CTNND2: variants seen among roughly 807,000 people sequenced by gnomAD.
CTNND2 encodes catenin delta-2.
A neutral mutation model predicts 144.4 loss-of-function variants in CTNND2; 22 were observed. The ratio of observed to expected loss-of-function variants is 0.15; its 90% confidence interval spans 0.11 to 0.22. The LOEUF (loss-of-function observed/expected upper bound fraction) is 0.22, where lower values mean the gene tolerates loss of function less well. Ranked by LOEUF, CTNND2 falls within the 10% of genes least tolerant of loss-of-function variation. The pLI, the probability that CTNND2 is intolerant of heterozygous loss-of-function variation, is 1.00. For missense variants in CTNND2, 1,353 were observed against 1,618.8 expected (o/e 0.84, Z 2.82); for synonymous variants, 751 against 695.6 (o/e 1.08, Z -1.25).
At chr5:11,031,486 T>A (rs1743470012) in intron 16 of CTNND2, among the ~76,000 whole-genome samples, 1 of 152,198 alleles carries the variant, frequency 6.6e-6, no homozygotes, top group South Asian at 2.1e-4. Context: ...AATTTTTAAG[T>A]CTTCAATAGA....
At chr5:11,682,038 G>C (rs1431843821) in intron 2 of CTNND2, among the ~76,000 whole-genome samples, 2 of 152,202 alleles carry the variant, frequency 1.3e-5, no homozygotes, top group Non-Finnish European at 2.9e-5. Flanking sequence ...GTGCCTGCTT[G>C]TTTTTCCCCA....
At chr5:11,472,512 G>C (rs1228329895) in intron 3 of CTNND2, among the ~76,000 whole-genome samples, 1 of 152,054 alleles carries the variant, frequency 6.6e-6, no homozygotes, top group Non-Finnish European at 1.5e-5. Flanking sequence ...TTAAATCTAT[G>C]AGTGTATTTG....
intron 3 of CTNND2, among the ~76,000 whole-genome samples, chr5:11,446,664 A>C: frequency 6.6e-6 from 1 of 151,482 alleles, no homozygotes; most frequent in Non-Finnish European, 1.5e-5. Flanking sequence ...TGCTGGGTTC[A>C]GTCTGTACCC....
At chr5:11,340,874 G>A (rs964189274) in intron 9 of CTNND2, among the ~76,000 whole-genome samples, 6 of 152,174 alleles carry the variant, frequency 3.9e-5, no homozygotes, top group Non-Finnish European at 8.8e-5. Flanking sequence ...GAGATTTTGG[G>A]ATGATTAAAT....
At chr5:11,638,639 T>A (rs1255744776) in intron 2 of CTNND2, among the ~76,000 whole-genome samples, 1 of 152,192 alleles carries the variant, frequency 6.6e-6, no homozygotes, top group Non-Finnish European at 1.5e-5. Context: ...AGTGGTGCCA[T>A]CTTGGCTCAA....
intron 3 of CTNND2, among the ~76,000 whole-genome samples, chr5:11,457,288 C>CA (rs1423499382): frequency 6.6e-6 from 1 of 151,930 alleles, no homozygotes; most frequent in East Asian, 1.9e-4. Flanking sequence ...CCTGTAGTCC[C>CA]AGCTACTCAG....
chr5:11,657,642 G>A (rs892080640), intron 2 of CTNND2, among the ~76,000 whole-genome samples: 5 of 152,122 alleles, frequency 3.3e-5, no homozygotes, highest in African/African-American at 1.2e-4. Flanking sequence ...ACTAAAGACT[G>A]ACAATACAAA....
At chr5:11,623,800 G>GTA (rs1780987183) in intron 2 of CTNND2, among the ~76,000 whole-genome samples, 7 of 85,624 alleles carry the variant, frequency 8.2e-5, no homozygotes, top group African/African-American at 3.5e-4. Context: ...ATATATATAT[G>GTA]TGTGTATGTA....
At chr5:11,111,479 A>C (rs1204020088) in intron 13 of CTNND2, among the ~76,000 whole-genome samples, 2 of 152,136 alleles carry the variant, frequency 1.3e-5, no homozygotes, top group Non-Finnish European at 2.9e-5. Context: ...TGCCCACCGG[A>C]GCATTTTCCG....
chr5:11,833,319 T>A (rs1486810857), intron 1 of CTNND2, among the ~76,000 whole-genome samples: 1 of 152,174 alleles, frequency 6.6e-6, no homozygotes, highest in Non-Finnish European at 1.5e-5. Context: ...TGATGTATGA[T>A]ACAACATAGT....
chr5:11,424,669 C>CA (rs1002554332), intron 3 of CTNND2, among the ~76,000 whole-genome samples: 14 of 149,322 alleles, frequency 9.4e-5, no homozygotes, highest in East Asian at 3.9e-4. Context: ...AATAAAAAAG[C>CA]AAAAAAAAAT....
chr5:11,273,705 C>T (rs1276952600), intron 9 of CTNND2, among the ~76,000 whole-genome samples: 1 of 152,162 alleles, frequency 6.6e-6, no homozygotes. Flanking sequence ...ATAACTGACA[C>T]TTATCGCCCA....
chr5:11,304,718 GT>G (rs1749996194), intron 9 of CTNND2, among the ~76,000 whole-genome samples: 1 of 152,110 alleles, frequency 6.6e-6, no homozygotes, highest in African/African-American at 2.4e-5. Context: ...CAACCACCTT[GT>G]CCTGACACAA....
intron 2 of CTNND2, among the ~76,000 whole-genome samples, chr5:11,671,064 GT>G (rs1783852891): frequency 6.6e-6 from 1 of 152,158 alleles, no homozygotes; most frequent in African/African-American, 2.4e-5. Flanking sequence ...TGAAATTCTG[GT>G]TTGAAAATTC....
At chr5:11,302,600 G>A (rs751776875) in intron 9 of CTNND2, among the ~76,000 whole-genome samples, 6 of 152,150 alleles carry the variant, frequency 3.9e-5, no homozygotes, top group Non-Finnish European at 5.9e-5. Context: ...GCAGTGAAGA[G>A]AAAAAGATGC....
chr5:11,837,083 G>A (rs532251192), intron 1 of CTNND2, among the ~76,000 whole-genome samples: 3 of 152,154 alleles, frequency 2.0e-5, no homozygotes, highest in African/African-American at 7.2e-5. Flanking sequence ...TCTGACTTTG[G>A]TTCAACCACC....
chr5:11,735,866 T>G (rs559617070), intron 1 of CTNND2, among the ~76,000 whole-genome samples: 4 of 152,182 alleles, frequency 2.6e-5, no homozygotes, highest in Non-Finnish European at 5.9e-5. Context: ...ATGTCTTTAT[T>G]AGCAGCATGA....
rs2149725844 is a variant in CTNND2 at position 11,135,905 on chromosome 5, G to A, written c.2160-18338C>T. Among the ~76,000 whole-genome samples the A allele has an allele frequency of 1.3e-5, 2 of 152,260 alleles. 1 individual carries two copies. Among genetic ancestry groups the A allele is most frequent in the Middle Eastern group, 6.8e-3 (2 of 294 alleles). On this transcript the variant is annotated intron_variant, in intron 12 of 21. Coordinates refer to ENST00000304623, the MANE Select transcript of CTNND2 (RefSeq NM_001332.4). ...CTGGTTCATATCATGGTGGTAGGTGGAGATATCCACTTCTAAATTAGCATT... is the reference window on the plus strand; with the variant it reads ...CTGGTTCATATCATGGTGGTAGGTGAAGATATCCACTTCTAAATTAGCATT...
intron 7 of CTNND2, among the ~76,000 whole-genome samples, chr5:11,367,043 A>G (rs1478875783): frequency 6.6e-6 from 1 of 152,352 alleles, no homozygotes; most frequent in East Asian, 1.9e-4. Context: ...CAAATTAACT[A>G]TCTGAATAGG....
Sources: allele counts gnomAD v4.1 joint callset (sites outside exome capture counted in the v4.1 genomes callset), GRCh38; gene constraint gnomAD v4.1.1; transcripts MANE v1.5; gene names NCBI Gene and HGNC (gene_info 2026-07-23, HGNC 2026-07-21).